Variants in DOCK1 observed in about 807,000 individuals in gnomAD.
DOCK1 encodes dedicator of cytokinesis protein 1.
In DOCK1, 138 loss-of-function variants were observed where a neutral mutation model predicts 262.7. The observed-to-expected ratio is 0.53, with a 90% CI of 0.46 to 0.61. The LOEUF (loss-of-function observed/expected upper bound fraction) is 0.61. DOCK1 is among the 20% of genes least tolerant of loss of function. DOCK1 has a pLI of 0.00. For missense variants in DOCK1, 1,908 were observed against 2,370.7 expected, an observed-to-expected ratio of 0.80 and a Z score of 4.05; for synonymous variants, 866 against 867.4, an observed-to-expected ratio of 1.00 and a Z score of 0.03.
chr10:127,382,963 G>A (rs1303835114), intron 37 of DOCK1, among the ~76,000 whole-genome samples: 9 of 152,150 alleles, frequency 5.9e-5, no homozygotes, highest in Admixed American at 2.6e-4. Flanking sequence ...GTTTAATGGG[G>A]AATGCTACAT....
chr10:127,313,618 G>T (rs2062148201), intron 29 of DOCK1, among the ~76,000 whole-genome samples: 1 of 152,112 alleles, frequency 6.6e-6, no homozygotes, highest in African/African-American at 2.4e-5. Flanking sequence ...TTTTCAGAAG[G>T]ATGGAGTCCT....
chr10:127,061,173 A>G (rs1225403134), intron 22 of DOCK1, among the ~76,000 whole-genome samples: 1 of 152,184 alleles, frequency 6.6e-6, no homozygotes, highest in Non-Finnish European at 1.5e-5. Flanking sequence ...GGTTGCAGTG[A>G]GCCGAGATCA....
At chr10:127,091,281 C>A (rs1361561838) in intron 23 of DOCK1, among the ~76,000 whole-genome samples, 2 of 152,178 alleles carry the variant, frequency 1.3e-5, no homozygotes, top group Non-Finnish European at 2.9e-5. Flanking sequence ...CTGCGCCCAG[C>A]CTGAACGTCT....
At chr10:127,124,619 A>G (rs1388443274) in intron 25 of DOCK1, among the ~76,000 whole-genome samples, 1 of 152,210 alleles carries the variant, frequency 6.6e-6, no homozygotes, top group South Asian at 2.1e-4. Context: ...TCCTTACACC[A>G]TGGCATCCCT....
At chr10:127,239,464 C>T (rs1002191937) in intron 27 of DOCK1, among the ~76,000 whole-genome samples, 1 of 152,140 alleles carries the variant, frequency 6.6e-6, no homozygotes, top group Non-Finnish European at 1.5e-5. Context: ...TGTGACATTT[C>T]TCCTTAATAC....
chr10:127,149,852 G>T (rs1176450846), intron 27 of DOCK1, among the ~76,000 whole-genome samples: 4 of 152,148 alleles, frequency 2.6e-5, no homozygotes, highest in African/African-American at 9.7e-5. Context: ...GCATCCCATG[G>T]TGCATATGGA....
At chr10:127,294,377 A>G (rs953481673) in intron 29 of DOCK1, among the ~76,000 whole-genome samples, 40 of 152,016 alleles carry the variant, frequency 2.6e-4, no homozygotes, top group Non-Finnish European at 4.9e-4. Context: ...CCTGGAGTGC[A>G]ATGGTACCAT....
At chr10:127,173,538 C>T (rs1292255782) in intron 27 of DOCK1, among the ~76,000 whole-genome samples, 1 of 152,190 alleles carries the variant, frequency 6.6e-6, no homozygotes, top group African/African-American at 2.4e-5. Flanking sequence ...GCACACACTC[C>T]TGTGAGTATG....
intron 23 of DOCK1, among the ~76,000 whole-genome samples, chr10:127,082,143 CAAAG>C (rs921905777): frequency 5.9e-5 from 9 of 152,130 alleles, no homozygotes; most frequent in African/African-American, 2.2e-4. Context: ...ATTGTAGTAA[CAAAG>C]AAGAGGTTTT....
intron 33 of DOCK1, among the ~76,000 whole-genome samples, chr10:127,369,105 A>G (rs1473162245): frequency 1.3e-5 from 2 of 152,200 alleles, no homozygotes; most frequent in East Asian, 3.9e-4. Context: ...TCCTGTTTGA[A>G]TAATCTCTTC....
rs754669375 is a variant in DOCK1, at chr10:126,998,368, C to T, written c.767+119C>T. 6.7e-5 allele frequency: 91 copies of T among 1,364,850 alleles called. 1 individual carries two copies. Among genetic ancestry groups the T allele is most frequent in the Non-Finnish European group, 8.5e-5 (84 of 983,838 alleles). The allele number at this position is 1,364,850 out of a possible 1,614,324, so 84.5% of individuals were successfully genotyped here. A position where few individuals can be genotyped will look rare whatever the true frequency, so the allele number is the denominator to read the frequency against. ...GCCTTGGATGAATGGCTGCTGGACA[C>T]GAGCAAGCAGCCGAGTCAAGAGCTG... is the stretch of plus-strand genomic sequence containing the variant. On this transcript the variant is annotated intron_variant, in intron 8 of 51. Transcript: ENST00000623213.
At chr10:126,978,061 C>T in intron 3 of DOCK1, 73 bp downstream of exon 3, 2 of 1,431,922 alleles carry the variant, frequency 1.4e-6, no homozygotes, top group Non-Finnish European at 2.0e-6. Context: ...AATTCCATCT[C>T]ATTTGTGTCT....
intron 38 of DOCK1, among the ~76,000 whole-genome samples, chr10:127,389,034 G>C (rs1926431): frequency 0.31 from 46,494 of 152,178 alleles, 7,512 homozygotes; most frequent in Admixed American, 0.46. Context: ...CATAAAACTT[G>C]TTGGGCCTCA....
At chr10:127,201,772 G>A (rs571351340) in intron 27 of DOCK1, among the ~76,000 whole-genome samples, 8 of 152,066 alleles carry the variant, frequency 5.3e-5, no homozygotes, top group African/African-American at 9.7e-5. Context: ...TCTTTTAGGC[G>A]GACTCCTGGG....
rs763246374 is a variant in DOCK1, at chr10:127,176,745, C to T, written c.2847+48981C>T. The T allele has an allele frequency of 1.1e-4, 21 of 199,190 alleles. No homozygotes were observed. The highest frequency in any genetic ancestry group is 1.7e-4 in the Non-Finnish European group (17 of 98,500). The allele number at this position is 199,190 out of a possible 1,614,324, so 12.3% of individuals were successfully genotyped here. A position where few individuals can be genotyped will look rare whatever the true frequency, so the allele number is the denominator to read the frequency against. On this transcript the variant is annotated intron_variant, in intron 27 of 51. Coordinates refer to ENST00000623213, the MANE Select transcript of DOCK1 (RefSeq NM_001290223.2). This position sits in a 1 kb window ranked among gnomAD's most constrained non-coding sequence, Gnocchi z 4.4. ...CTGCTTTGCAAATTATCTTTTCACA[C>T]GCGTGACTCCCCTTCTTAGGCAGAT...
intron 27 of DOCK1, among the ~76,000 whole-genome samples, chr10:127,194,014 A>G (rs973094491): frequency 3.3e-5 from 5 of 152,342 alleles, no homozygotes; most frequent in Non-Finnish European, 5.9e-5. Flanking sequence ...CTTAATCACA[A>G]TGATAAAATA....
intron 1 of DOCK1, among the ~76,000 whole-genome samples, chr10:126,911,603 G>A (rs928343182): frequency 6.6e-5 from 10 of 152,076 alleles, no homozygotes; most frequent in African/African-American, 2.4e-4. Flanking sequence ...CCCGAGGAGG[G>A]GTCAGAGTTT....
chr10:127,291,598 G>C (rs1277333639), intron 29 of DOCK1, among the ~76,000 whole-genome samples: 1 of 152,166 alleles, frequency 6.6e-6, no homozygotes, highest in Admixed American at 6.5e-5. Context: ...GTGAGAACCT[G>C]AGAGGGAAGG....
rs1333262811 is a variant in DOCK1, at chr10:127,012,280, C to T, written c.1107C>T (p.Ser369=). 2 of 1,613,772 alleles carry T rather than the reference C, an allele frequency of 1.2e-6. No homozygotes were observed. Among genetic ancestry groups the T allele is most frequent in the Non-Finnish European group, 1.7e-6 (2 of 1,179,804 alleles). Residue 369 remains serine, a synonymous_variant, in exon 12 of 52, where the codon TCC becomes TCT. Coordinates refer to ENST00000623213, the MANE Select transcript of DOCK1 (RefSeq NM_001290223.2). This position sits in a 1 kb window ranked among gnomAD's most constrained non-coding sequence, Gnocchi z 4.0. ...AIRHKPLNMS[S]RFSPRVAGEN... ...GACACAAGCCGCTGAACATGTCATC[C>T]CGTTTTTCACCCAGGGTGGCAGGGG... is the stretch of plus-strand genomic sequence containing the variant.
Sources: gnomAD v4.1 joint callset for allele counts (sites outside exome capture counted in the v4.1 genomes callset) on GRCh38, gnomAD v4.1.1 for gene constraint, Gnocchi (gnomAD v3.1) non-coding constraint, MANE v1.5 for transcripts, NCBI Gene and HGNC (gene_info 2026-07-23, HGNC 2026-07-21) for gene names.